The following TPPP variants were observed in gnomAD, a reference collection of about 807,000 sequenced individuals.
TPPP encodes the protein tubulin polymerization-promoting protein.
Under a neutral mutation model 15.5 loss-of-function variants are expected in TPPP, and 6 were observed. That is an observed-to-expected ratio of 0.39 (90% CI 0.21 to 0.77). The LOEUF (loss-of-function observed/expected upper bound fraction) is 0.77. TPPP is among the 30% of genes least tolerant of loss of function. TPPP has a pLI of 0.42. For missense variants in TPPP, 269 were observed against 307.2 expected (o/e 0.88, Z 0.93); for synonymous variants, 146 against 133.9 (o/e 1.09, Z -0.63).
intron 2 of TPPP, among the ~76,000 whole-genome samples, chr5:669,661 AG>A (rs547210628): frequency 5.3e-5 from 8 of 152,122 alleles, no homozygotes; most frequent in Admixed American, 3.3e-4. Context: ...ACTCGGCGGG[AG>A]GGGGATGGCT....
At chr5:678,789 C>T (rs932440771) in intron 1 of TPPP, among the ~76,000 whole-genome samples, 28 of 152,300 alleles carry the variant, frequency 1.8e-4, no homozygotes, top group Admixed American at 3.9e-4. Context: ...GCAAGGCGCC[C>T]GCCCCCAGAG....
rs145880946 is a variant in TPPP at position 674,991 on chromosome 5, G to C, written c.311+2759C>G. Among the ~76,000 whole-genome samples, 6 of 146,106 alleles carry C rather than the reference G, an allele frequency of 4.1e-5. No individual in the cohort carries two copies. The South Asian group carries it at 1.4e-3, about 33-fold the overall frequency. On this transcript the variant is annotated intron_variant, in intron 2 of 3. Coordinates refer to ENST00000360578, the MANE Select transcript of TPPP (RefSeq NM_007030.3). ...GTCAGTCCACAAAGGATCTGTGGCC[G>C]GGGGAGCAGTGAGGGGGGCACAGTG...
At position 668,049 on chromosome 5, in the gene TPPP, G is replaced by A. The variant is rs1328883369; in HGVS notation, c.312-1926C>T. On this transcript the variant is annotated intron_variant, in intron 2 of 3. Transcript: ENST00000360578. Reference sequence around the variant, plus strand: ...ACAGAGAGGGGGCCGTGTGGGCGCCGTCAGGGAAGTACCGACAAGCACACT... The same window carrying A: ...ACAGAGAGGGGGCCGTGTGGGCGCCATCAGGGAAGTACCGACAAGCACACT... Among the ~76,000 whole-genome samples, 9 of 35,488 alleles carry A rather than the reference G, an allele frequency of 2.5e-4. 4 individuals carry two copies. The East Asian group carries it at 8.9e-3, about 35-fold the overall frequency. The allele number at this position is 35,488 out of a possible 152,430, so 23.3% of individuals were successfully genotyped here.
At position 669,041 on chromosome 5, in the gene TPPP, A is replaced by G. The variant is rs185379497; in HGVS notation, c.312-2918T>C. Among the ~76,000 whole-genome samples, 37 of 152,328 alleles carry G rather than the reference A, an allele frequency of 2.4e-4. 1 individual carries two copies. The highest frequency in any genetic ancestry group is 8.9e-4 in the African/African-American group (37 of 41,596). On this transcript the variant is annotated intron_variant, in intron 2 of 3. Transcript: ENST00000360578. ...AGACACCATCAACAGCGCTGAGCCA[A>G]AGAAGAAATCGCGCTGAGAAACACA... is the stretch of plus-strand genomic sequence containing the variant.
At chr5:678,432 G>A (rs565639285) in intron 1 of TPPP, among the ~76,000 whole-genome samples, 1,528 of 141,750 alleles carry the variant, frequency 0.011, 19 homozygotes, top group African/African-American at 0.044. Flanking sequence ...AGCCTATTCC[G>A]GGTCCCCTCC....
chr5:665,065 GGGGACACC>G lies in TPPP; in HGVS notation c.*29_*36del. ...TGCGAGGTGACAGAGTCCCTGCTCT[GGGGACACC>G]GGCAGTGCCGCGAGGCATGGAGCGG... On this transcript the variant is annotated 3_prime_UTR_variant, in exon 4 of 4. Transcript: ENST00000360578. 6.3e-7 allele frequency: 1 copy of G among 1,590,080 alleles called. No homozygotes were observed. The highest frequency in any genetic ancestry group is 8.5e-7 in the Non-Finnish European group (1 of 1,171,386).
At chr5:685,036 T>C (rs1382109562) in intron 1 of TPPP, among the ~76,000 whole-genome samples, 3 of 152,136 alleles carry the variant, frequency 2.0e-5, no homozygotes, top group Non-Finnish European at 2.9e-5. Flanking sequence ...GTCACAGTCC[T>C]GAAAGGTCAC....
At chr5:700,453 G>A in the TPPP span, among the ~76,000 whole-genome samples, 1 of 151,994 alleles carries the variant, frequency 6.6e-6, no homozygotes, top group Non-Finnish European at 1.5e-5. Flanking sequence ...GAGGGTGGAA[G>A]GGGGTGAGAG....
intron 1 of TPPP, among the ~76,000 whole-genome samples, chr5:679,402 C>A (rs1476742177): frequency 1.9e-5 from 2 of 106,090 alleles, no homozygotes. Flanking sequence ...CGCGTGGGGG[C>A]AGGATCCTGG....
intron 2 of TPPP, among the ~76,000 whole-genome samples, chr5:672,901 AAAAC>A (rs1280408262): frequency 6.6e-6 from 1 of 152,272 alleles, no homozygotes; most frequent in Non-Finnish European, 1.5e-5. Context: ...TAGTAACATC[AAAAC>A]AAACAAGCGC....
Position 662,406 on chromosome 5 carries a change from C to G in TPPP, c.*2696G>C, listed in dbSNP as rs934094330. ...CAACCAGGGACCAGGAGGCAGCGTC[C>G]TGGTGCCCAGCACCTCTCCTCAGTG... On this transcript the variant is annotated 3_prime_UTR_variant, in exon 4 of 4. Transcript: ENST00000360578. 2 of 152,498 alleles carry G rather than the reference C, an allele frequency of 1.3e-5. No individual in the cohort carries two copies. Among genetic ancestry groups the G allele is most frequent in the Non-Finnish European group, 2.9e-5 (2 of 68,104 alleles). 9.4% of individuals were successfully genotyped at this position (152,498 alleles called of 1,614,324 possible).
chr5:674,842 T>C (rs1277403210), intron 2 of TPPP, among the ~76,000 whole-genome samples: 3 of 151,442 alleles, frequency 2.0e-5, no homozygotes, highest in Admixed American at 6.6e-5. Flanking sequence ...CTGTGGATGA[T>C]GTGGGAGCTC....
At chr5:691,793 CCAACCCTCATCAAAACAGCAGCCCT>C (rs1175455669) in intron 1 of TPPP, among the ~76,000 whole-genome samples, 3 of 110,166 alleles carry the variant, frequency 2.7e-5, no homozygotes, top group African/African-American at 9.8e-5. Flanking sequence ...AAAACAGCCC[CCAACCCTCATCAAAACAGCAGCCCT>C]CAACCCCCAT....
intron 1 of TPPP, among the ~76,000 whole-genome samples, chr5:683,389 C>A (rs1740680858): frequency 6.6e-6 from 1 of 152,214 alleles, no homozygotes; most frequent in Admixed American, 6.5e-5. Context: ...GCACGCCACA[C>A]ACTCAACCCA....
upstream of TPPP, among the ~76,000 whole-genome samples, chr5:694,463 G>A (rs534543589): frequency 8.0e-6 from 1 of 125,560 alleles, no homozygotes; most frequent in South Asian, 2.7e-4. Context: ...CCTGGAATCC[G>A]CAAAGGCAGA....
the TPPP span, among the ~76,000 whole-genome samples, chr5:700,697 G>T: frequency 6.6e-6 from 1 of 151,884 alleles, no homozygotes; most frequent in East Asian, 1.9e-4. Context: ...TTTTAGTTAT[G>T]CAGCTCGTCA....
chr5:679,195 T>C (rs552411526), intron 1 of TPPP, among the ~76,000 whole-genome samples: 16 of 152,218 alleles, frequency 1.1e-4, no homozygotes, highest in African/African-American at 3.6e-4. Flanking sequence ...CGTGGGGTCC[T>C]GAGTGTGGCC....
intron 2 of TPPP, among the ~76,000 whole-genome samples, chr5:669,756 G>T: frequency 6.6e-6 from 1 of 152,174 alleles, no homozygotes; most frequent in East Asian, 2.0e-4. Flanking sequence ...AAGGGCGCCC[G>T]GGTCTCTGCC....
chr5:681,272 A>C (rs1740613519), intron 1 of TPPP, among the ~76,000 whole-genome samples: 1 of 152,182 alleles, frequency 6.6e-6, no homozygotes, highest in Admixed American at 6.5e-5. Context: ...AGGGAAAAGA[A>C]GGTTGTGTAG....
Sources: gnomAD v4.1 joint callset for allele counts (sites outside exome capture counted in the v4.1 genomes callset) on GRCh38, gnomAD v4.1.1 for gene constraint, MANE v1.5 for transcripts, NCBI Gene and HGNC (gene_info 2026-07-23, HGNC 2026-07-21) for gene names.